Variants in SHANK2 observed in about 807,000 individuals in gnomAD.
SHANK2 encodes SH3 and multiple ankyrin repeat domains protein 2.
Under a neutral mutation model 133.7 loss-of-function variants are expected in SHANK2, and 43 were observed. That is an observed-to-expected ratio of 0.32 (90% confidence interval 0.25 to 0.41). The LOEUF (loss-of-function observed/expected upper bound fraction) is 0.41, where lower values mean the gene tolerates loss of function less well. SHANK2 is among the 10% of genes least tolerant of loss of function. SHANK2 has a pLI of 1.00. For synonymous variants in SHANK2, 1,017 were observed against 952.8 expected, an observed-to-expected ratio of 1.07 and a Z score of -1.24; for missense variants, 1,994 against 2,235.8, an observed-to-expected ratio of 0.89 and a Z score of 2.18.
chr11:71,102,873 G>C (rs1452533946), intron 6 of SHANK2, among the ~76,000 whole-genome samples: 3 of 152,242 alleles, frequency 2.0e-5, no homozygotes, highest in African/African-American at 7.2e-5. Flanking sequence ...CCAGAGGCTA[G>C]GTGGCTTAAA....
At chr11:70,832,075 C>G (rs1948734694) in intron 11 of SHANK2, among the ~76,000 whole-genome samples, 1 of 152,210 alleles carries the variant, frequency 6.6e-6, no homozygotes, top group African/African-American at 2.4e-5. Context: ...GGGGACAAGT[C>G]TCAGCTCTGT....
At position 70,487,845 on chromosome 11, in the gene SHANK2, AAC is replaced by A. The variant is rs1428026984; in HGVS notation, c.2573-127_2573-126del. 7.2e-6 allele frequency: 11 copies of A among 1,531,836 alleles called. No homozygotes were observed. Among genetic ancestry groups the A allele is most frequent in the African/African-American group, 1.4e-5 (1 of 72,736 alleles). 94.9% of individuals were successfully genotyped at this position (1,531,836 alleles called of 1,614,324 possible). ...CAGATGATGAACCGGATGTTCAGGA[AAC>A]ACAGCACAAGCCACGATGCCGAGTG... is the stretch of plus-strand genomic sequence containing the variant. On this transcript the variant is annotated intron_variant, in intron 24 of 25. Coordinates refer to ENST00000601538, the MANE Select transcript of SHANK2 (RefSeq NM_012309.5). The surrounding 1 kb of genome is among the most constrained non-coding windows in gnomAD (Gnocchi z 5.8).
intron 10 of SHANK2, among the ~76,000 whole-genome samples, chr11:70,954,213 G>C (rs1407721115): frequency 2.6e-5 from 4 of 152,214 alleles, no homozygotes; most frequent in African/African-American, 7.2e-5. Flanking sequence ...ATTTAACAAG[G>C]AAAGAAACTC....
intron 3 of SHANK2, among the ~76,000 whole-genome samples, chr11:71,135,056 AGCCCTCAGCCTTCTCTGCTGAGC>A: frequency 6.6e-6 from 1 of 152,192 alleles, no homozygotes; most frequent in Non-Finnish European, 1.5e-5. Context: ...CTGCTCCCGC[AGCCCTCAGCCTTCTCTGCTGAGC>A]CAACACACCA....
chr11:71,217,452 C>T (rs1359998210), intron 2 of SHANK2, among the ~76,000 whole-genome samples: 7 of 151,574 alleles, frequency 4.6e-5, no homozygotes, highest in Non-Finnish European at 1.0e-4. Context: ...TGCAGTGAGC[C>T]GAGATCATGC....
chr11:70,517,917 T>C lies in SHANK2; in HGVS notation c.2062-14986A>G, dbSNP rs983544995. ...CAACTGTGTGGGACATTTGCTACAA[T>C]TGACAAGCCAATTGAAAAATAGGGA... On this transcript the variant is annotated intron_variant, in intron 17 of 25. Transcript: ENST00000601538. Among the ~76,000 whole-genome samples the C allele has an allele frequency of 7.2e-5, 11 of 152,194 alleles. No individual in the cohort carries two copies. The South Asian group carries it at 1.9e-3, about 26-fold the overall frequency.
intron 14 of SHANK2, among the ~76,000 whole-genome samples, chr11:70,780,962 GTGACCTA>G (rs1356294930): frequency 6.6e-6 from 1 of 152,110 alleles, no homozygotes; most frequent in Non-Finnish European, 1.5e-5. Flanking sequence ...CCTCTTAACA[GTGACCTA>G]CACGTTACTA....
At chr11:70,722,325 C>G (rs116416951) in intron 14 of SHANK2, among the ~76,000 whole-genome samples, 2 of 152,236 alleles carry the variant, frequency 1.3e-5, no homozygotes, top group Non-Finnish European at 2.9e-5. Flanking sequence ...ATGCTCCTCA[C>G]GCTCTCAGCA....
Position 70,471,558 on chromosome 11 carries a change from C to A in SHANK2, c.*1311G>T, listed in dbSNP as rs1337887559. 5.0e-6 allele frequency: 2 copies of A among 396,820 alleles called. No homozygotes were observed. Among genetic ancestry groups the A allele is most frequent in the African/African-American group, 2.1e-5 (1 of 48,606 alleles). The allele number at this position is 396,820 out of a possible 1,614,324, so 24.6% of individuals were successfully genotyped here. Reference sequence around the variant, plus strand: ...ACCTCCCTGCTTTCCTCTCCTCACGCCTCTGCTTTCACTCTGATCCTGCCG... The same window carrying A: ...ACCTCCCTGCTTTCCTCTCCTCACGACTCTGCTTTCACTCTGATCCTGCCG... On this transcript the variant is annotated 3_prime_UTR_variant, in exon 26 of 26. Coordinates refer to ENST00000601538, the MANE Select transcript of SHANK2 (RefSeq NM_012309.5). The surrounding 1 kb of genome is among the most constrained non-coding windows in gnomAD (Gnocchi z 4.1).
At chr11:70,824,328 G>A (rs1350998473) in intron 11 of SHANK2, among the ~76,000 whole-genome samples, 1 of 152,110 alleles carries the variant, frequency 6.6e-6, no homozygotes, top group Non-Finnish European at 1.5e-5. Context: ...GTAAGAACCT[G>A]GAGGTGGTAC....
At chr11:70,474,611 T>C (rs2058639602) in intron 25 of SHANK2, 1 of 152,276 alleles carries the variant, frequency 6.6e-6, no homozygotes. Context: ...GTGCATGTTT[T>C]GCTGTCCCCA....
In SHANK2 at chr11:70,848,512, T is replaced by A. The variant is rs1399702139; in HGVS notation, c.1175-27830A>T. 3.3e-5 allele frequency among the ~76,000 whole-genome samples: 5 copies of A among 152,218 alleles called. No individual in the cohort carries two copies. The East Asian group carries it at 9.6e-4, about 29-fold the overall frequency. Reference sequence around the variant, plus strand: ...AAACAAAGCTAAGGGGCTTTTTTATTGCAGGCCTTACCAGGACCTTAAAGG... The same window carrying A: ...AAACAAAGCTAAGGGGCTTTTTTATAGCAGGCCTTACCAGGACCTTAAAGG... On this transcript the variant is annotated intron_variant, in intron 11 of 25. Transcript: ENST00000601538.
rs892098251 is a variant in SHANK2 at position 70,694,777 on chromosome 11, C to T, written c.1853+3911G>A. 1.1e-3 allele frequency among the ~76,000 whole-genome samples: 171 copies of T among 152,270 alleles called. 1 individual carries two copies. Among genetic ancestry groups the T allele is most frequent in the African/African-American group, 4.0e-3 (167 of 41,544 alleles). On this transcript the variant is annotated intron_variant, in intron 15 of 25. Transcript: ENST00000601538. ...CCAGGGTTACAGGGGTGCACAAGAC[C>T]TACTCATCTCTGTCCACAAGCTCCC...
chr11:70,627,668 TGG>T (rs2060922671), intron 17 of SHANK2, among the ~76,000 whole-genome samples: 1 of 152,236 alleles, frequency 6.6e-6, no homozygotes, highest in African/African-American at 2.4e-5. Context: ...ATCCTGGAGA[TGG>T]GACCCAAGTC....
At chr11:70,732,851 G>A (rs570382288) in intron 14 of SHANK2, among the ~76,000 whole-genome samples, 255 of 152,342 alleles carry the variant, frequency 1.7e-3, no homozygotes, top group Admixed American at 3.7e-3. Flanking sequence ...TCCCTGCAGG[G>A]GACAGGCCTG....
intron 9 of SHANK2, among the ~76,000 whole-genome samples, chr11:71,062,237 T>C (rs936970854): frequency 6.6e-6 from 1 of 152,166 alleles, no homozygotes; most frequent in Admixed American, 6.5e-5. Flanking sequence ...ATGACAGGTG[T>C]GAGCCACTGC....
intron 1 of SHANK2, among the ~76,000 whole-genome samples, chr11:71,247,079 C>T (rs1294752102): frequency 6.6e-6 from 1 of 152,106 alleles, no homozygotes; most frequent in Non-Finnish European, 1.5e-5. Flanking sequence ...ATAAAAGACC[C>T]ATGAGCATAA....
At chr11:70,822,061 C>T (rs542000023) in intron 11 of SHANK2, among the ~76,000 whole-genome samples, 9 of 152,364 alleles carry the variant, frequency 5.9e-5, no homozygotes, top group Admixed American at 3.3e-4. Context: ...ACAGCGAGTG[C>T]CCTTTCCAAG....
At chr11:71,084,880 C>A (rs1467044686) in intron 8 of SHANK2, among the ~76,000 whole-genome samples, 1 of 152,296 alleles carries the variant, frequency 6.6e-6, no homozygotes, top group East Asian at 1.9e-4. Flanking sequence ...TGAGAAGTAA[C>A]CAGCTCTGAG....
Sources: allele counts gnomAD v4.1 joint callset (sites outside exome capture counted in the v4.1 genomes callset), GRCh38; gene constraint gnomAD v4.1.1; non-coding constraint Gnocchi (gnomAD v3.1); transcripts MANE v1.5; gene names NCBI Gene and HGNC (gene_info 2026-07-23, HGNC 2026-07-21).